The following RNF38 variants were observed in gnomAD, a reference collection of about 807,000 sequenced individuals.
RNF38 encodes the protein E3 ubiquitin-protein ligase RNF38.
A neutral mutation model predicts 67.2 loss-of-function variants in RNF38; 15 were observed. The observed-to-expected ratio is 0.22, with a 90% CI of 0.15 to 0.34. RNF38 has a LOEUF of 0.34. Ranked by LOEUF, RNF38 falls within the 10% of genes least tolerant of loss-of-function variation. RNF38 has a pLI of 1.00. For synonymous variants in RNF38, 220 were observed against 218.8 expected, an observed-to-expected ratio of 1.01 and a Z score of -0.05; for missense variants, 524 against 639.9, an observed-to-expected ratio of 0.82 and a Z score of 1.95.
chr9:36,436,255 G>A (rs1181507650), intron 1 of RNF38, among the ~76,000 whole-genome samples: 1 of 152,170 alleles, frequency 6.6e-6, no homozygotes, highest in Non-Finnish European at 1.5e-5. Flanking sequence ...GTAAAATACT[G>A]AGAAAGTACA....
intron 2 of RNF38, among the ~76,000 whole-genome samples, chr9:36,410,945 T>C (rs1838308331): frequency 2.0e-5 from 3 of 152,090 alleles, no homozygotes; most frequent in South Asian, 4.1e-4. Context: ...GTTCTGGAGA[T>C]GGAGAGTGGT....
At chr9:36,482,002 AC>A (rs1444003457) in intron 1 of RNF38, among the ~76,000 whole-genome samples, 1 of 151,880 alleles carries the variant, frequency 6.6e-6, no homozygotes, top group East Asian at 1.9e-4. Flanking sequence ...CAAATGTGGC[AC>A]ATAGGTACTA....
At chr9:36,472,274 T>C (rs984187447) in intron 1 of RNF38, among the ~76,000 whole-genome samples, 1 of 152,352 alleles carries the variant, frequency 6.6e-6, no homozygotes, top group African/African-American at 2.4e-5. Flanking sequence ...GCTTTTATCC[T>C]GCCTGTATAG....
At chr9:36,440,702 T>C (rs1839173443) in intron 1 of RNF38, among the ~76,000 whole-genome samples, 1 of 152,150 alleles carries the variant, frequency 6.6e-6, no homozygotes, top group South Asian at 2.1e-4. Flanking sequence ...TAATTATCCT[T>C]GAAAAGGACA....
rs908859378 is a variant in RNF38, at chr9:36,464,554, G to A, written n.241+22754C>T. On this transcript the variant is annotated intron_variant and non_coding_transcript_variant, in intron 1 of 3. Coordinates refer to the RNF38 transcript ENST00000488058. ...CCACTGTACTCCAGCCTGGGTGACA[G>A]AGTGAGACTCCGTCTCAAAAAAAAA... Among the ~76,000 whole-genome samples, 4 of 150,202 alleles carry A rather than the reference G, an allele frequency of 2.7e-5. No individual in the cohort carries two copies. In the South Asian group the frequency reaches 8.3e-4, roughly 31 times the overall value.
chr9:36,401,727 G>A (rs952852749), upstream of RNF38, among the ~76,000 whole-genome samples: 1 of 152,192 alleles, frequency 6.6e-6, no homozygotes, highest in Non-Finnish European at 1.5e-5. Context: ...CAGACTTAAG[G>A]AGAGAGGGCA....
At chr9:36,450,263 CT>C (rs200252520) in intron 1 of RNF38, among the ~76,000 whole-genome samples, 17 of 151,362 alleles carry the variant, frequency 1.1e-4, no homozygotes, top group African/African-American at 2.9e-4. Flanking sequence ...TCCCACTTGA[CT>C]TTTTTTTTAT....
intron 2 of RNF38, among the ~76,000 whole-genome samples, chr9:36,380,621 T>C (rs1459037723): frequency 6.6e-6 from 1 of 152,174 alleles, no homozygotes; most frequent in Non-Finnish European, 1.5e-5. Context: ...GTCTCCCAAG[T>C]AGCTGGGACT....
At chr9:36,369,063 GA>G (rs1328008443) in intron 4 of RNF38, among the ~76,000 whole-genome samples, 2 of 152,060 alleles carry the variant, frequency 1.3e-5, no homozygotes, top group Non-Finnish European at 2.9e-5. Flanking sequence ...GGAGGCCTAT[GA>G]AAACCTATAA....
At chr9:36,351,238 T>A in intron 8 of RNF38, 39 bp from the exon 9 acceptor site, 1 of 1,388,470 alleles carries the variant, frequency 7.2e-7, no homozygotes, top group Non-Finnish European at 1.0e-6. Flanking sequence ...GATATGTTAG[T>A]ACATTAAATC....
intron 1 of RNF38, among the ~76,000 whole-genome samples, chr9:36,470,720 T>C (rs1406501995): frequency 6.6e-6 from 1 of 152,144 alleles, no homozygotes; most frequent in Non-Finnish European, 1.5e-5. Context: ...CAAGGGGATA[T>C]ACCTTACCTT....
intron 5 of RNF38, among the ~76,000 whole-genome samples, chr9:36,356,782 G>T (rs1834149579): frequency 6.6e-6 from 1 of 151,956 alleles, no homozygotes; most frequent in Non-Finnish European, 1.5e-5. Context: ...CAAAGAAGAG[G>T]AAACTCTCTC....
intron 1 of RNF38, among the ~76,000 whole-genome samples, chr9:36,445,567 G>C (rs1328891007): frequency 6.6e-6 from 1 of 152,178 alleles, no homozygotes; most frequent in African/African-American, 2.4e-5. Context: ...GAATAAATTG[G>C]AGTTGGGATG....
chr9:36,376,924 C>T, intron 2 of RNF38, among the ~76,000 whole-genome samples: 1 of 64,658 alleles, frequency 1.5e-5, no homozygotes, highest in African/African-American at 6.5e-5. Flanking sequence ...GAGACTCTGT[C>T]TCAAAAAAAA....
chr9:36,484,836 C>T (rs964154177), intron 1 of RNF38, among the ~76,000 whole-genome samples: 5 of 152,052 alleles, frequency 3.3e-5, no homozygotes, highest in African/African-American at 1.2e-4. Flanking sequence ...GTTTATTTTT[C>T]ACAGCTGTAA....
At chr9:36,469,872 G>C (rs1021187253) in intron 1 of RNF38, among the ~76,000 whole-genome samples, 1 of 152,124 alleles carries the variant, frequency 6.6e-6, no homozygotes, top group African/African-American at 2.4e-5. Context: ...CAGCTACTTG[G>C]GAGGCTGTGG....
At chr9:36,452,932 A>G (rs1427972248) in intron 1 of RNF38, among the ~76,000 whole-genome samples, 1 of 152,194 alleles carries the variant, frequency 6.6e-6, no homozygotes, top group Non-Finnish European at 1.5e-5. Context: ...TCTGTTTTTC[A>G]GCTATAATGA....
rs1832624805 is a variant in RNF38 at position 36,338,715 on chromosome 9, T to A, written c.*1037A>T. ...GACTAGTGGTCTTCTTAGAAATATA[T>A]TAATCAAATATCTTCAGAATAGACT... On this transcript the variant is annotated 3_prime_UTR_variant, in exon 12 of 12. Transcript: ENST00000259605. 2 of 152,414 alleles carry A rather than the reference T, an allele frequency of 1.3e-5. No individual in the cohort carries two copies. The highest frequency in any genetic ancestry group is 4.2e-4 in the South Asian group (2 of 4,818). 9.4% of individuals were successfully genotyped at this position (152,414 alleles called of 1,614,324 possible). A position where few individuals can be genotyped will look rare whatever the true frequency, so the allele number is the denominator to read the frequency against.
intron 1 of RNF38, among the ~76,000 whole-genome samples, chr9:36,461,582 T>C (rs1003458959): frequency 2.0e-4 from 31 of 152,050 alleles, no homozygotes; most frequent in Admixed American, 1.8e-3. Context: ...GAGAAAAAAA[T>C]TGGAGACCAG....
Sources: gnomAD v4.1 joint callset for allele counts (sites outside exome capture counted in the v4.1 genomes callset) on GRCh38, gnomAD v4.1.1 for gene constraint, MANE v1.5 for transcripts, NCBI Gene and HGNC (gene_info 2026-07-23, HGNC 2026-07-21) for gene names.